PPP1R12A: variants seen among roughly 807,000 people sequenced by gnomAD.
PPP1R12A encodes protein phosphatase 1 regulatory subunit 12A.
PPP1R12A carries 19 observed loss-of-function variants against 139.6 expected under a neutral mutation model. The ratio of observed to expected loss-of-function variants is 0.14; its 90% CI spans 0.09 to 0.20. The LOEUF (loss-of-function observed/expected upper bound fraction) is 0.20. Among genes scored for constraint, PPP1R12A ranks in the 10% least tolerant of loss-of-function variants. The pLI, the probability that PPP1R12A is intolerant of heterozygous loss-of-function variation, is 1.00. For missense variants in PPP1R12A, 925 were observed against 1,211.5 expected, an observed-to-expected ratio of 0.76 and a Z score of 3.51; for synonymous variants, 427 against 420.6, an observed-to-expected ratio of 1.02 and a Z score of -0.19.
intron 1 of PPP1R12A, among the ~76,000 whole-genome samples, chr12:79,887,739 G>C (rs1003652537): frequency 4.6e-5 from 7 of 152,044 alleles, no homozygotes; most frequent in African/African-American, 1.7e-4. Flanking sequence ...TTTAGTTTCA[G>C]GGAAACAAAA....
At chr12:79,816,479 G>A (rs1019464180) in intron 9 of PPP1R12A, among the ~76,000 whole-genome samples, 3 of 151,988 alleles carry the variant, frequency 2.0e-5, no homozygotes, top group African/African-American at 7.2e-5. Context: ...CGGGTGAAGA[G>A]AAATCTTTGA....
intron 10 of PPP1R12A, 141 bp downstream of exon 10, chr12:79,809,654 A>G (rs374299382): frequency 1.5e-6 from 1 of 646,492 alleles, no homozygotes; most frequent in Non-Finnish European, 2.6e-6. Flanking sequence ...TATAAATTAC[A>G]TTTGTCTTAT....
intron 4 of PPP1R12A, 55 bp from the exon 5 acceptor site, chr12:79,828,519 T>C (rs914334635): frequency 3.7e-6 from 5 of 1,363,930 alleles, no homozygotes; most frequent in Non-Finnish European, 5.0e-6. Flanking sequence ...TAAATGATCA[T>C]GATCAAAAGC....
At chr12:79,900,838 T>C (rs1406145079) in intron 1 of PPP1R12A, among the ~76,000 whole-genome samples, 1 of 152,202 alleles carries the variant, frequency 6.6e-6, no homozygotes, top group Non-Finnish European at 1.5e-5. Context: ...AGTTTAACTA[T>C]TCATCTGGGT....
At chr12:79,896,786 A>G (rs1475463219) in intron 1 of PPP1R12A, among the ~76,000 whole-genome samples, 1 of 152,186 alleles carries the variant, frequency 6.6e-6, no homozygotes, top group Non-Finnish European at 1.5e-5. Context: ...AACCTATTCT[A>G]TTTGGCACCA....
At chr12:79,817,974 TCCTGTCAAACAGTA>T (rs1331540012) in intron 8 of PPP1R12A, among the ~76,000 whole-genome samples, 1 of 152,178 alleles carries the variant, frequency 6.6e-6, no homozygotes, top group Non-Finnish European at 1.5e-5. Context: ...TACCTTACAT[TCCTGTCAAACAGTA>T]TGGTTAAATG....
At chr12:79,883,133 T>C (rs1278697981) in intron 1 of PPP1R12A, among the ~76,000 whole-genome samples, 3 of 152,058 alleles carry the variant, frequency 2.0e-5, no homozygotes, top group African/African-American at 7.2e-5. Flanking sequence ...CAAGACTCCG[T>C]CAAAACAAAA....
At chr12:79,838,424 C>G (rs1449610320) in intron 3 of PPP1R12A, among the ~76,000 whole-genome samples, 1 of 152,200 alleles carries the variant, frequency 6.6e-6, no homozygotes, top group Non-Finnish European at 1.5e-5. Context: ...CAGAAATTTG[C>G]ATAAGTAACG....
At chr12:79,852,120 T>C (rs1880112869) in intron 2 of PPP1R12A, among the ~76,000 whole-genome samples, 1 of 152,132 alleles carries the variant, frequency 6.6e-6, no homozygotes, top group Non-Finnish European at 1.5e-5. Context: ...GGTGTTCATC[T>C]CTATTAATTG....
rs375542115 is a variant in PPP1R12A at position 79,934,830 on chromosome 12, G to C, written c.102C>G (p.Thr34=). The C allele has an allele frequency of 5.0e-6, 8 of 1,610,192 alleles. No individual in the cohort carries two copies. Among genetic ancestry groups the C allele is most frequent in the Non-Finnish European group, 6.8e-6 (8 of 1,178,440 alleles). ...LEPPVVKRQK[T]KVKFDDGAVF... ...CGGCGCCATCGTCGAACTTCACCTT[G>C]GTCTTCTGGCGCTTCACCACCGGAG... Residue 34 remains threonine, a synonymous_variant, in exon 1 of 25, where the codon ACC becomes ACG. Transcript: ENST00000450142.
intron 1 of PPP1R12A, among the ~76,000 whole-genome samples, chr12:79,934,332 T>C (rs184694571): frequency 7.4e-4 from 112 of 152,200 alleles, no homozygotes; most frequent in African/African-American, 2.6e-3. Flanking sequence ...CCTCCGAATA[T>C]ACCACTGACA....
intron 2 of PPP1R12A, among the ~76,000 whole-genome samples, chr12:79,868,458 T>C (rs1882223107): frequency 6.6e-6 from 1 of 152,206 alleles, no homozygotes. Context: ...TGCCACACAC[T>C]GGGTGGCTTA....
intron 3 of PPP1R12A, chr12:79,832,724 C>G (rs904852042): frequency 6.0e-6 from 2 of 333,112 alleles, no homozygotes; most frequent in Admixed American, 9.4e-5. Flanking sequence ...CTATTTTGAT[C>G]TTATTTTTCC....
chr12:79,920,302 C>T (rs773829684), intron 1 of PPP1R12A, among the ~76,000 whole-genome samples: 11 of 152,212 alleles, frequency 7.2e-5, no homozygotes, highest in Non-Finnish European at 1.0e-4. Context: ...TGGCTATCAT[C>T]AATAATGCTG....
chr12:79,823,285 G>GA (rs1009593981), intron 5 of PPP1R12A, among the ~76,000 whole-genome samples: 22 of 146,498 alleles, frequency 1.5e-4, no homozygotes, highest in Middle Eastern at 3.5e-3. Flanking sequence ...TCCTTTCACA[G>GA]AAAAAAAAAA....
chr12:79,871,390 A>T (rs749693876), intron 2 of PPP1R12A, among the ~76,000 whole-genome samples: 3 of 152,214 alleles, frequency 2.0e-5, no homozygotes, highest in Non-Finnish European at 4.4e-5. Context: ...CATAAGAATT[A>T]AACATCTGAA....
At chr12:79,831,369 G>T (rs1032990429) in intron 4 of PPP1R12A, among the ~76,000 whole-genome samples, 3 of 152,122 alleles carry the variant, frequency 2.0e-5, no homozygotes, top group African/African-American at 7.2e-5. Context: ...GATCACTTGA[G>T]CCCAGGAGTT....
At chr12:79,892,186 C>G (rs181921268) in intron 1 of PPP1R12A, among the ~76,000 whole-genome samples, 1 of 152,126 alleles carries the variant, frequency 6.6e-6, no homozygotes, top group Non-Finnish European at 1.5e-5. Context: ...GTCTTTTCTC[C>G]TGTATTTTCA....
intron 4 of PPP1R12A, among the ~76,000 whole-genome samples, chr12:79,829,168 A>C (rs946418499): frequency 6.6e-6 from 1 of 152,172 alleles, no homozygotes; most frequent in African/African-American, 2.4e-5. Context: ...TATTGACAAC[A>C]ACCTTTATTT....
Sources: allele counts gnomAD v4.1 joint callset (sites outside exome capture counted in the v4.1 genomes callset), GRCh38; gene constraint gnomAD v4.1.1; transcripts MANE v1.5; gene names NCBI Gene and HGNC (gene_info 2026-07-23, HGNC 2026-07-21).